Variants in CYTIP observed in about 807,000 individuals in gnomAD.
The protein encoded by CYTIP is cytohesin 1 interacting protein.
Under a neutral mutation model 43.8 loss-of-function variants are expected in CYTIP, and 26 were observed. The ratio of observed to expected loss-of-function variants is 0.59; its 90% CI spans 0.44 to 0.82. CYTIP has a LOEUF of 0.82. Ranked by LOEUF, CYTIP falls within the 40% of genes least tolerant of loss-of-function variation. The pLI is 0.00. For missense variants in CYTIP, 426 were observed against 443.1 expected (o/e 0.96, Z 0.35); for synonymous variants, 162 against 162.9 (o/e 0.99, Z 0.04).
At chr2:157,418,630 G>A in intron 6 of CYTIP, 41 bp from the exon 7 acceptor site, 1 of 1,505,634 alleles carries the variant, frequency 6.6e-7, no homozygotes, top group Non-Finnish European at 8.9e-7. Flanking sequence ...TTTATTATTA[G>A]GAAACCCCAG....
chr2:157,439,270 A>T (rs1229417447), intron 1 of CYTIP: 2 of 152,490 alleles, frequency 1.3e-5, no homozygotes, highest in Non-Finnish European at 2.9e-5. Flanking sequence ...TAAATAAATT[A>T]AGTACCGTCA....
intron 7 of CYTIP, among the ~76,000 whole-genome samples, chr2:157,418,183 C>T (rs1269624478): frequency 1.3e-5 from 2 of 152,138 alleles, no homozygotes; most frequent in East Asian, 1.9e-4. Flanking sequence ...GCCCCTTAGC[C>T]GTGATTGTTT....
intron 7 of CYTIP, among the ~76,000 whole-genome samples, chr2:157,418,269 G>A (rs538107269): frequency 6.6e-5 from 10 of 152,078 alleles, no homozygotes; most frequent in Non-Finnish European, 1.5e-4. Flanking sequence ...AAATCTCCAG[G>A]TGCCTGTTTT....
chr2:157,415,872 C>T lies in CYTIP; in HGVS notation c.885G>A (p.Arg295=). Residue 295 remains arginine (R), a synonymous_variant, in exon 8 of 8, where the codon AGG becomes AGA. Coordinates refer to ENST00000264192, the MANE Select transcript of CYTIP (RefSeq NM_004288.5). ...TCCGGTTCCTCCTTGAAGATGACCTCCTCAGAAAATCATCCCCCTCCTTGG... is the reference window on the plus strand; with the variant it reads ...TCCGGTTCCTCCTTGAAGATGACCTTCTCAGAAAATCATCCCCCTCCTTGG... The part of the protein sequence containing the change: ...FIPKEGDDFL[R]RSSSRRNRSI... 1.9e-6 allele frequency: 3 copies of T among 1,614,196 alleles called. No homozygotes were observed. Among genetic ancestry groups the T allele is most frequent in the Non-Finnish European group, 2.5e-6 (3 of 1,180,024 alleles).
At chr2:157,421,393 A>G (rs1374718814) in intron 6 of CYTIP, among the ~76,000 whole-genome samples, 2 of 152,254 alleles carry the variant, frequency 1.3e-5, no homozygotes, top group Non-Finnish European at 2.9e-5. Context: ...AATCTACAGG[A>G]GACATACAGC....
At chr2:157,443,791 C>A in intron 1 of CYTIP, 56 bp downstream of exon 1, 2 of 1,538,150 alleles carry the variant, frequency 1.3e-6, no homozygotes, top group South Asian at 1.2e-5. Flanking sequence ...ACAAACATAT[C>A]ACTCTGCCCT....
At chr2:157,419,679 T>C (rs944253484) in intron 6 of CYTIP, among the ~76,000 whole-genome samples, 1 of 152,200 alleles carries the variant, frequency 6.6e-6, no homozygotes, top group African/African-American at 2.4e-5. Context: ...GCCTGTGGAC[T>C]CTTAGGCCAA....
chr2:157,441,708 T>C (rs984307248), intron 1 of CYTIP, among the ~76,000 whole-genome samples: 1 of 152,120 alleles, frequency 6.6e-6, no homozygotes, highest in Admixed American at 6.6e-5. Context: ...ACTGATTGCC[T>C]TCTTTCAGTT....
rs1685438003 is a variant in CYTIP at position 157,416,160 on chromosome 2, A to C, written c.614-17T>G. The C allele has an allele frequency of 6.3e-7, 1 of 1,577,498 alleles. No individual in the cohort carries two copies. The highest frequency in any genetic ancestry group is 1.4e-5 in the African/African-American group (1 of 74,018). ...CTGCATCACCTAGAGCACAAAGTCT[A>C]CTGTGAAATGGATCTGTTCATTACT... On this transcript the variant is annotated splice_polypyrimidine_tract_variant and intron_variant, in intron 7 of 7. Transcript: ENST00000264192.
rs1260092010 is a variant in CYTIP, at chr2:157,430,581, T to C, written c.454A>G (p.Arg152Gly). The C allele has an allele frequency of 6.2e-7, 1 of 1,614,198 alleles. No homozygotes were observed. The highest frequency in any genetic ancestry group is 8.5e-7 in the Non-Finnish European group (1 of 1,180,012). Residue 152 changes from arginine to glycine, a missense_variant, in exon 5 of 8, where the codon AGA becomes GGA. By Grantham distance (125) the Arg-to-Gly change is moderately radical. Transcript: ENST00000264192. ...FTYKQVVDLI[R>G]SSGNLLTIET... ...TACGTTAGCAGGTTTCCGGACGATC[T>C]GATCAGGTCAACGACTTGTTTGTAG...
chr2:157,426,352 G>GT (rs1027235899), intron 6 of CYTIP, among the ~76,000 whole-genome samples: 2 of 152,056 alleles, frequency 1.3e-5, no homozygotes, highest in African/African-American at 4.8e-5. Context: ...TTGAGCAGAG[G>GT]TTTTTTCAAG....
Position 157,415,753 on chromosome 2 carries a change from C to G in CYTIP, c.1004G>C (p.Gly335Ala), listed in dbSNP as rs867898942. 9 of 1,614,062 alleles carry G rather than the reference C, an allele frequency of 5.6e-6. No homozygotes were observed. Among genetic ancestry groups the G allele is most frequent in the Non-Finnish European group, 7.6e-6 (9 of 1,180,024 alleles). Residue 335 changes from glycine to alanine, a missense_variant, in exon 8 of 8, where the codon GGA becomes GCA. By Grantham distance (60) the Gly-to-Ala change is moderately conservative (BLOSUM62 0). Transcript: ENST00000264192. The part of the protein sequence containing the change: ...FGTLPRKSRK[G>A]SVRKQLLKFI... The stretch of plus-strand genomic sequence containing the variant: ...TTTCAAGAGTTGCTTTCGGACACTT[C>G]CCTTTCTGCTCTTCCGGGGCAGGGT...
Position 157,430,592 on chromosome 2 carries a change from A to T in CYTIP, c.443T>A (p.Val148Asp), listed in dbSNP as rs1026458051. The T allele has an allele frequency of 3.7e-6, 6 of 1,614,128 alleles. No individual in the cohort carries two copies. The highest frequency in any genetic ancestry group is 1.7e-5 in the Admixed American group (1 of 60,000). Reference sequence around the variant, plus strand: ...GTTTCCGGACGATCTGATCAGGTCAACGACTTGTTTGTAGGTAAAACCTTC... The same window carrying T: ...GTTTCCGGACGATCTGATCAGGTCATCGACTTGTTTGTAGGTAAAACCTTC... ...STEGFTYKQVVDLIRSSGNLL... is the reference protein window; with the variant it reads ...STEGFTYKQVDDLIRSSGNLL... The change falls in exon 5 of 8, where the codon GTT (valine) becomes GAT (aspartate). Residue 148 changes from valine to aspartate, a missense_variant. Physicochemically the swap from Val to Asp is radical, Grantham distance 152. Coordinates refer to ENST00000264192, the MANE Select transcript of CYTIP (RefSeq NM_004288.5).
At chr2:157,443,661 T>C (rs1025397242) in intron 1 of CYTIP, among the ~76,000 whole-genome samples, 186 bp downstream of exon 1, 3 of 152,206 alleles carry the variant, frequency 2.0e-5, no homozygotes, top group South Asian at 2.1e-4. Context: ...AAAAGTTTGA[T>C]TGTGGTCTCA....
At chr2:157,424,581 T>A (rs1685574738) in intron 6 of CYTIP, among the ~76,000 whole-genome samples, 1 of 152,090 alleles carries the variant, frequency 6.6e-6, no homozygotes, top group Admixed American at 6.5e-5. Flanking sequence ...ATCCCAGGAA[T>A]TCAGGAGGCT....
intron 1 of CYTIP, among the ~76,000 whole-genome samples, chr2:157,442,115 C>CTCTGGAATACCCTTCAATA (rs1323838777): frequency 2.0e-5 from 3 of 152,206 alleles, no homozygotes; most frequent in African/African-American, 4.8e-5. Flanking sequence ...TTCTCCCTTG[C>CTCTGGAATACCCTTCAATA]TCTGGAATAC....
chr2:157,434,279 A>G, intron 3 of CYTIP, 91 bp downstream of exon 3: 1 of 1,036,348 alleles, frequency 9.6e-7, no homozygotes, highest in Non-Finnish European at 1.5e-6. Flanking sequence ...ATCATTCTCT[A>G]ATCCTAACTT....
At chr2:157,434,446 A>G in intron 2 of CYTIP, 22 bp from the exon 3 acceptor site, 1 of 1,557,664 alleles carries the variant, frequency 6.4e-7, no homozygotes, top group Non-Finnish European at 8.8e-7. Context: ...ATGTTTAAAA[A>G]AGAAACTGCA....
At chr2:157,418,302 T>C (rs1472185705) in intron 7 of CYTIP, among the ~76,000 whole-genome samples, 1 of 152,226 alleles carries the variant, frequency 6.6e-6, no homozygotes, top group Non-Finnish European at 1.5e-5. Flanking sequence ...TCTGTGTGCA[T>C]GTGCATCTGC....
Sources: allele counts gnomAD v4.1 joint callset (sites outside exome capture counted in the v4.1 genomes callset), GRCh38; gene constraint gnomAD v4.1.1; transcripts MANE v1.5; gene names NCBI Gene and HGNC (gene_info 2026-07-23, HGNC 2026-07-21).